Variants in ZNF138 observed in about 807,000 individuals in gnomAD.
ZNF138 encodes the protein zinc finger protein 138, also known as zinc finger protein 138 (clone pHZ-32).
Under a neutral mutation model 33.0 loss-of-function variants are expected in ZNF138, and 33 were observed. That is an observed-to-expected ratio of 1.00 (90% CI 0.76 to 1.34). ZNF138 has a LOEUF of 1.34. ZNF138 is among the 40% of genes most tolerant of loss of function. ZNF138 has a pLI of 0.00. For synonymous variants in ZNF138, 139 were observed against 120.4 expected (o/e 1.15, Z -1.01); for missense variants, 360 against 370.8 (o/e 0.97, Z 0.24).
chr7:64,840,617 A>G, the ZNF138 span, among the ~76,000 whole-genome samples: 1 of 152,192 alleles, frequency 6.6e-6, no homozygotes, highest in Non-Finnish European at 1.5e-5. Flanking sequence ...AAAATGTACA[A>G]TTAAATGCTA....
intron 1 of ZNF138, among the ~76,000 whole-genome samples, chr7:64,794,880 C>G (rs1443050978): frequency 6.6e-6 from 1 of 152,156 alleles, no homozygotes; most frequent in African/African-American, 2.4e-5. Context: ...AGAATCCTGA[C>G]TCGGGGTGCT....
At chr7:64,817,890 A>T (rs2129004211) in intron 3 of ZNF138, among the ~76,000 whole-genome samples, 1 of 152,224 alleles carries the variant, frequency 6.6e-6, no homozygotes, top group East Asian at 1.9e-4. Context: ...TTACTAAAAT[A>T]GTTACTTATA....
the ZNF138 span, among the ~76,000 whole-genome samples, chr7:64,853,870 C>T: frequency 6.6e-6 from 1 of 151,968 alleles, no homozygotes; most frequent in Middle Eastern, 3.4e-3. Flanking sequence ...GCAAATGTGT[C>T]TCCAGAGATA....
chr7:64,815,739 CTG>C (rs1291107105), intron 3 of ZNF138, 86 bp downstream of exon 3: 7 of 1,246,186 alleles, frequency 5.6e-6, no homozygotes, highest in African/African-American at 1.6e-5. Context: ...ATTTGGAAAT[CTG>C]TATTCCAAAG....
intron 1 of ZNF138, among the ~76,000 whole-genome samples, chr7:64,798,621 A>G (rs1193245859): frequency 6.6e-6 from 1 of 152,050 alleles, no homozygotes; most frequent in Non-Finnish European, 1.5e-5. Flanking sequence ...GAGAAACCCT[A>G]CAAAAAAAAT....
At chr7:64,851,775 A>C in the ZNF138 span, among the ~76,000 whole-genome samples, 1 of 152,298 alleles carries the variant, frequency 6.6e-6, no homozygotes, top group African/African-American at 2.4e-5. Context: ...AAAAAGAAAT[A>C]AGATTTCTTT....
intron 3 of ZNF138, among the ~76,000 whole-genome samples, chr7:64,827,723 ATTC>A (rs911832171): frequency 1.7e-4 from 26 of 151,928 alleles, no homozygotes; most frequent in Admixed American, 5.9e-4. Flanking sequence ...TTTTTTCAAT[ATTC>A]TTCTAAGATT....
chr7:64,851,035 A>G, the ZNF138 span, among the ~76,000 whole-genome samples: 2 of 152,198 alleles, frequency 1.3e-5, no homozygotes, highest in Non-Finnish European at 2.9e-5. Context: ...GAATATATGT[A>G]TATAGTATGA....
At chr7:64,799,417 C>T (rs183124773) in intron 1 of ZNF138, among the ~76,000 whole-genome samples, 11 of 152,250 alleles carry the variant, frequency 7.2e-5, no homozygotes, top group Admixed American at 7.2e-4. Flanking sequence ...CCCGCCTCTG[C>T]CTCCCAAAGT....
chr7:64,795,257 G>A (rs1270269318), intron 1 of ZNF138, among the ~76,000 whole-genome samples: 1 of 152,166 alleles, frequency 6.6e-6, no homozygotes, highest in East Asian at 1.9e-4. Context: ...ATTTGAGTTA[G>A]ATTTTTTTAA....
At chr7:64,805,722 T>G (rs1787542539) in intron 1 of ZNF138, among the ~76,000 whole-genome samples, 1 of 152,188 alleles carries the variant, frequency 6.6e-6, no homozygotes, top group Non-Finnish European at 1.5e-5. Flanking sequence ...GCCATAAAGA[T>G]AGCACCCTCT....
chr7:64,806,733 A>G (rs1201899250), intron 1 of ZNF138, among the ~76,000 whole-genome samples: 1 of 152,058 alleles, frequency 6.6e-6, no homozygotes, highest in Non-Finnish European at 1.5e-5. Context: ...GCTAAAAATT[A>G]AACTAATAAT....
chr7:64,843,098 G>A, the ZNF138 span, among the ~76,000 whole-genome samples: 20 of 152,090 alleles, frequency 1.3e-4, no homozygotes, highest in Non-Finnish European at 2.6e-4. Flanking sequence ...GGCTCATTTC[G>A]ACAAATATAA....
intron 1 of ZNF138, chr7:64,814,276 C>T (rs1426839164): frequency 9.0e-6 from 3 of 334,736 alleles, no homozygotes; most frequent in African/African-American, 4.6e-5. Context: ...CTCAACGTGC[C>T]TTTTCCATCT....
chr7:64,850,619 G>A, the ZNF138 span, among the ~76,000 whole-genome samples: 1 of 152,168 alleles, frequency 6.6e-6, no homozygotes, highest in Admixed American at 6.5e-5. Flanking sequence ...CGTATCAGGT[G>A]GTTCCTTGTT....
intron 1 of ZNF138, among the ~76,000 whole-genome samples, chr7:64,803,343 CAA>C (rs778095994): frequency 1.4e-4 from 20 of 147,316 alleles, no homozygotes; most frequent in Admixed American, 8.3e-4. Flanking sequence ...TAAGAGCACA[CAA>C]AAGTTGAGCA....
At chr7:64,837,341 T>G (rs1562931955), downstream of ZNF138, among the ~76,000 whole-genome samples, 1 of 152,106 alleles carries the variant, frequency 6.6e-6, no homozygotes, top group Non-Finnish European at 1.5e-5. Flanking sequence ...GTACCTGATC[T>G]TCTGGGGTTA....
chr7:64,817,976 CATT>C (rs953012998), intron 3 of ZNF138, among the ~76,000 whole-genome samples: 1 of 148,370 alleles, frequency 6.7e-6, no homozygotes, highest in Non-Finnish European at 1.5e-5. Context: ...TTAATAATAA[CATT>C]ATTTATTATT....
At chr7:64,810,425 A>C (rs1312232413) in intron 1 of ZNF138, among the ~76,000 whole-genome samples, 1 of 49,362 alleles carries the variant, frequency 2.0e-5, no homozygotes, top group Admixed American at 3.2e-4. Context: ...TCAGCATGAG[A>C]GGGAGACCGT....
Sources: allele counts gnomAD v4.1 joint callset (sites outside exome capture counted in the v4.1 genomes callset), GRCh38; gene constraint gnomAD v4.1.1; transcripts MANE v1.5; gene names NCBI Gene and HGNC (gene_info 2026-07-23, HGNC 2026-07-21).